Variants in RBFOX1 observed in about 807,000 individuals in gnomAD.
RBFOX1 encodes the protein RNA binding fox-1 homolog 1.
RBFOX1 carries 8 observed loss-of-function variants against 57.7 expected under a neutral mutation model. The observed-to-expected ratio is 0.14, with a 90% CI of 0.08 to 0.25. The LOEUF is 0.25. Among genes scored for constraint, RBFOX1 ranks in the 10% least tolerant of loss-of-function variants. RBFOX1 has a pLI of 1.00. For missense variants in RBFOX1, 611 were observed against 548.5 expected, an observed-to-expected ratio of 1.11 and a Z score of -1.14; for synonymous variants, 326 against 222.4, an observed-to-expected ratio of 1.47 and a Z score of -4.15.
intron 4 of RBFOX1, among the ~76,000 whole-genome samples, chr16:7,239,036 C>G (rs750171712): frequency 8.5e-5 from 13 of 152,204 alleles, no homozygotes; most frequent in Non-Finnish European, 1.3e-4. Context: ...TTTATCCAGT[C>G]TATCATTGAT....
chr16:5,261,141 A>T (rs1222723422), intron 1 of RBFOX1: 1 of 152,242 alleles, frequency 6.6e-6, no homozygotes, highest in Non-Finnish European at 1.5e-5. Context: ...AATTGACTTA[A>T]TAAAGGGCAT....
At chr16:6,644,739 C>G (rs183407113) in intron 2 of RBFOX1, among the ~76,000 whole-genome samples, 1 of 152,148 alleles carries the variant, frequency 6.6e-6, no homozygotes, top group African/African-American at 2.4e-5. Flanking sequence ...TGTGGAAACA[C>G]CTGGGCCCTG....
intron 3 of RBFOX1, among the ~76,000 whole-genome samples, chr16:7,049,056 A>C (rs566482935): frequency 6.6e-6 from 1 of 152,330 alleles, no homozygotes; most frequent in Admixed American, 6.5e-5. Flanking sequence ...AGATACAGAC[A>C]TGAGCACAGA....
intron 4 of RBFOX1, among the ~76,000 whole-genome samples, chr16:7,092,346 A>T (rs956959212): frequency 6.6e-6 from 1 of 152,228 alleles, no homozygotes; most frequent in Admixed American, 6.5e-5. Context: ...TAAAATGTGA[A>T]GAAGGAAAAA....
At chr16:7,212,253 A>C (rs2091283344) in intron 4 of RBFOX1, among the ~76,000 whole-genome samples, 1 of 152,026 alleles carries the variant, frequency 6.6e-6, no homozygotes, top group Non-Finnish European at 1.5e-5. Flanking sequence ...AAGCTACTAA[A>C]TTTTGCCATC....
chr16:7,197,247 A>C (rs1198193745), intron 4 of RBFOX1, among the ~76,000 whole-genome samples: 2 of 152,148 alleles, frequency 1.3e-5, no homozygotes, highest in Non-Finnish European at 2.9e-5. Context: ...GAAGAAAATG[A>C]ATAAGGAAAA....
intron 4 of RBFOX1, among the ~76,000 whole-genome samples, chr16:7,228,358 C>T (rs758226229): frequency 6.6e-6 from 1 of 152,186 alleles, no homozygotes. Context: ...TCTTCTCCTA[C>T]TACCCCCCGC....
intron 4 of RBFOX1, among the ~76,000 whole-genome samples, chr16:7,055,521 C>T (rs1332354924): frequency 1.3e-5 from 2 of 152,134 alleles, no homozygotes; most frequent in East Asian, 3.9e-4. Context: ...CAGGGCAGCA[C>T]TCTCATCAGA....
At chr16:6,605,566 G>A (rs1235806452) in intron 2 of RBFOX1, among the ~76,000 whole-genome samples, 5 of 152,176 alleles carry the variant, frequency 3.3e-5, no homozygotes, top group Non-Finnish European at 5.9e-5. Context: ...AGTGATCGGA[G>A]TGAATCTCTC....
chr16:5,583,540 C>T (rs2046741689), intron 2 of RBFOX1, among the ~76,000 whole-genome samples: 1 of 152,180 alleles, frequency 6.6e-6, no homozygotes, highest in African/African-American at 2.4e-5. Context: ...CCTGGAGTGT[C>T]TCTGAATCTG....
intron 1 of RBFOX1, among the ~76,000 whole-genome samples, chr16:5,328,959 A>G (rs1359352035): frequency 6.6e-6 from 1 of 152,324 alleles, no homozygotes; most frequent in South Asian, 2.1e-4. Context: ...GCTTCCGAAT[A>G]CTTTATTTCT....
Position 6,651,556 on chromosome 16 carries a change from A to G in RBFOX1, c.-63-3047A>G, listed in dbSNP as rs202162869. Among the ~76,000 whole-genome samples, 5 of 152,284 alleles carry G rather than the reference A, an allele frequency of 3.3e-5. No homozygotes were observed. In the East Asian group the frequency reaches 9.7e-4, roughly 29 times the overall value. On this transcript the variant is annotated intron_variant, in intron 2 of 15. Transcript: ENST00000550418. Reference sequence around the variant, plus strand: ...TCTTCATTATGCCTGAGTGAAACCCACAAGTGCCCATGAGGATGTGGACAG... The same window carrying G: ...TCTTCATTATGCCTGAGTGAAACCCGCAAGTGCCCATGAGGATGTGGACAG...
intron 3 of RBFOX1, among the ~76,000 whole-genome samples, chr16:6,711,748 C>A (rs548744180): frequency 6.6e-6 from 1 of 152,146 alleles, no homozygotes; most frequent in Non-Finnish European, 1.5e-5. Context: ...CTCACTGAGC[C>A]CATCCTGTCT....
At chr16:7,516,673 A>G (rs566612738) in intron 4 of RBFOX1, among the ~76,000 whole-genome samples, 2 of 152,366 alleles carry the variant, frequency 1.3e-5, no homozygotes, top group South Asian at 2.1e-4. Context: ...ACATTTGGCG[A>G]AATTTGTCTG....
chr16:7,120,830 T>TACACACACACACACACACACACAC (rs397836603), intron 4 of RBFOX1, among the ~76,000 whole-genome samples: 1 of 86,542 alleles, frequency 1.2e-5, no homozygotes, highest in African/African-American at 3.9e-5. Flanking sequence ...TATGTATATA[T>TACACACACACACACACACACACAC]ACACACACAC....
intron 11 of RBFOX1, among the ~76,000 whole-genome samples, chr16:7,637,088 A>T (rs936463855): frequency 6.6e-6 from 1 of 152,170 alleles, no homozygotes; most frequent in African/African-American, 2.4e-5. Context: ...AGGGCTAGAA[A>T]AGCATTTTCT....
intron 4 of RBFOX1, among the ~76,000 whole-genome samples, chr16:7,439,294 A>T (rs1423329132): frequency 4.6e-5 from 7 of 151,964 alleles, no homozygotes; most frequent in Non-Finnish European, 7.4e-5. Context: ...CGGTGATTTG[A>T]ACCTTCATGT....
intron 3 of RBFOX1, among the ~76,000 whole-genome samples, chr16:6,751,630 A>G (rs538103980): frequency 6.6e-6 from 1 of 152,280 alleles, no homozygotes; most frequent in South Asian, 2.1e-4. Context: ...ACTGCATGAA[A>G]TGTCAAAGGA....
chr16:5,912,916 A>T (rs1303752550), intron 4 of RBFOX1, among the ~76,000 whole-genome samples: 1 of 152,176 alleles, frequency 6.6e-6, no homozygotes, highest in Non-Finnish European at 1.5e-5. Context: ...CAGACCCAAG[A>T]ACAGAGGGGA....
Sources: gnomAD v4.1 joint callset for allele counts (sites outside exome capture counted in the v4.1 genomes callset) on GRCh38, gnomAD v4.1.1 for gene constraint, MANE v1.5 for transcripts, NCBI Gene and HGNC (gene_info 2026-07-23, HGNC 2026-07-21) for gene names.